Variants in TMPRSS11E observed in about 807,000 individuals in gnomAD.
TMPRSS11E encodes transmembrane protease serine 11E.
In TMPRSS11E, 38 loss-of-function variants were observed where a neutral mutation model predicts 48.1. That is an observed-to-expected ratio of 0.79 (90% confidence interval 0.61 to 1.04). The LOEUF is 1.04. TMPRSS11E is among the 50% of genes least tolerant of loss of function. TMPRSS11E has a pLI of 0.00. For synonymous variants in TMPRSS11E, 158 were observed against 171.9 expected (o/e 0.92, Z 0.63); for missense variants, 530 against 510.8 (o/e 1.04, Z -0.36).
At chr4:68,489,982 T>G (rs535110603) in intron 9 of TMPRSS11E, among the ~76,000 whole-genome samples, 6 of 152,236 alleles carry the variant, frequency 3.9e-5, no homozygotes, top group African/African-American at 1.4e-4. Context: ...CTCTTTCAAC[T>G]CTCCAGGCTG....
At chr4:68,496,369 C>A (rs1237388727) in intron 9 of TMPRSS11E, among the ~76,000 whole-genome samples, 3 of 151,776 alleles carry the variant, frequency 2.0e-5, no homozygotes, top group African/African-American at 7.3e-5. Flanking sequence ...GTTAAGAGTA[C>A]AGTTCTTCAA....
intron 9 of TMPRSS11E, among the ~76,000 whole-genome samples, chr4:68,484,740 C>T (rs1385316816): frequency 2.0e-5 from 3 of 152,164 alleles, no homozygotes; most frequent in Admixed American, 2.0e-4. Flanking sequence ...CTTGATTTGG[C>T]TCTCGGCTAA....
chr4:68,481,410 C>T (rs1729395281), intron 9 of TMPRSS11E, among the ~76,000 whole-genome samples: 1 of 152,200 alleles, frequency 6.6e-6, no homozygotes, highest in Non-Finnish European at 1.5e-5. Context: ...ACCTAATTTA[C>T]ATTCCCACGA....
At chr4:68,484,450 G>A (rs947325670) in intron 9 of TMPRSS11E, among the ~76,000 whole-genome samples, 8 of 152,102 alleles carry the variant, frequency 5.3e-5, no homozygotes, top group African/African-American at 1.9e-4. Context: ...GGGACTATAG[G>A]CATTCACCAC....
intron 4 of TMPRSS11E, among the ~76,000 whole-genome samples, chr4:68,469,708 C>A (rs1491003617): frequency 6.6e-6 from 1 of 151,856 alleles, no homozygotes; most frequent in Non-Finnish European, 1.5e-5. Flanking sequence ...ACCTCATTCA[C>A]CCACATGGTC....
chr4:68,461,740 T>C (rs943924453), intron 1 of TMPRSS11E, 81 bp from the exon 2 acceptor site: 2 of 1,593,740 alleles, frequency 1.3e-6, no homozygotes, highest in East Asian at 2.2e-5. Context: ...TGTCCTTTAT[T>C]CCCCCAAAAT....
intron 9 of TMPRSS11E, among the ~76,000 whole-genome samples, chr4:68,482,590 CAAAAAAAAAAAAAAAAAAAAAAA>C (rs371144994): frequency 0.46 from 50,007 of 108,914 alleles, 9,514 homozygotes; most frequent in Admixed American, 0.54. Flanking sequence ...TGCATCTCCA[CAAAAAAAAAAAAAAAAAAAAAAA>C]AAAAAAAAAT....
rs1729213505 is a variant in TMPRSS11E, at chr4:68,476,268, AAC to A, written c.540_541del (p.Arg181LysfsTer3). On this transcript the variant is annotated frameshift_variant, in exon 7 of 10. Coordinates refer to ENST00000305363, the MANE Select transcript of TMPRSS11E (RefSeq NM_014058.4). LOFTEE classifies it high-confidence loss of function. ...CCCCTCTCTCTTTTGCAGGCTGCGG[AAC>A]ACGAAGAAGTAAAACTCTAGGTCAG... is the stretch of plus-strand genomic sequence containing the variant. ...TDSYLNHCCGTRRSKTLGQSL... is the reference protein window; with the variant it reads ...TDSYLNHCCGXRRSKTLGQSL... The A allele has an allele frequency of 6.2e-7, 1 of 1,613,928 alleles. No homozygotes were observed. The highest frequency in any genetic ancestry group is 1.7e-5 in the Admixed American group (1 of 60,006).
In TMPRSS11E at chr4:68,468,958, T is replaced by C; in HGVS notation, c.326+12T>C. ...GTTATCAAGTTCAGGTATGTAAATCTGAATTGCTGACTTCTGAATTTAAAG... is the reference window on the plus strand; with the variant it reads ...GTTATCAAGTTCAGGTATGTAAATCCGAATTGCTGACTTCTGAATTTAAAG... On this transcript the variant is annotated intron_variant, in intron 4 of 9. Coordinates refer to ENST00000305363, the MANE Select transcript of TMPRSS11E (RefSeq NM_014058.4). The C allele has an allele frequency of 6.3e-7, 1 of 1,596,800 alleles. No individual in the cohort carries two copies. Among genetic ancestry groups the C allele is most frequent in the Non-Finnish European group, 8.6e-7 (1 of 1,165,620 alleles).
chr4:68,463,364 C>T (rs1287216460), intron 2 of TMPRSS11E, among the ~76,000 whole-genome samples: 9 of 152,084 alleles, frequency 5.9e-5, no homozygotes, highest in East Asian at 1.9e-4. Flanking sequence ...TGCAGTGGCT[C>T]GATCTCGGCT....
intron 9 of TMPRSS11E, among the ~76,000 whole-genome samples, chr4:68,485,426 C>T (rs1729525853): frequency 6.6e-6 from 1 of 152,096 alleles, no homozygotes; most frequent in Admixed American, 6.6e-5. Flanking sequence ...GGATTACAGG[C>T]ATGAGCCACC....
chr4:68,463,345 A>G (rs1304042854), intron 2 of TMPRSS11E, among the ~76,000 whole-genome samples: 1 of 152,078 alleles, frequency 6.6e-6, no homozygotes, highest in African/African-American at 2.4e-5. Context: ...GTCTGTTCCC[A>G]GGCTGGAGTG....
Position 68,473,015 on chromosome 4 carries a change from C to T in TMPRSS11E, c.490+1392C>T, listed in dbSNP as rs537000341. Among the ~76,000 whole-genome samples, 119 of 152,060 alleles carry T rather than the reference C, an allele frequency of 7.8e-4. 1 individual carries two copies. The highest frequency in any genetic ancestry group is 2.5e-3 in the African/African-American group (103 of 41,524). On this transcript the variant is annotated intron_variant, in intron 5 of 9. Transcript: ENST00000305363. ...TCATGGAAATTATGCAACTATATTT[C>T]GTAGCTTATACATACATGTTTTTCA...
chr4:68,487,941 C>CAAAAAAAAA (rs56299530), intron 9 of TMPRSS11E, among the ~76,000 whole-genome samples: 1 of 89,972 alleles, frequency 1.1e-5, no homozygotes, highest in African/African-American at 4.6e-5. Context: ...GACTCTGTCT[C>CAAAAAAAAA]AAAAAAAAAA....
intron 1 of TMPRSS11E, among the ~76,000 whole-genome samples, chr4:68,451,092 A>G (rs940316612): frequency 3.3e-5 from 5 of 151,838 alleles, no homozygotes; most frequent in Non-Finnish European, 7.4e-5. Flanking sequence ...AGCATGCCTG[A>G]TGGTTTTAGT....
chr4:68,462,653 C>G, intron 2 of TMPRSS11E, among the ~76,000 whole-genome samples: 1 of 151,800 alleles, frequency 6.6e-6, no homozygotes, highest in East Asian at 1.9e-4. Context: ...AATCTGGAGT[C>G]ATAAAGAAGT....
At chr4:68,450,941 TTTG>T (rs1728481317) in intron 1 of TMPRSS11E, among the ~76,000 whole-genome samples, 1 of 151,986 alleles carries the variant, frequency 6.6e-6, no homozygotes, top group Admixed American at 6.6e-5. Context: ...TAAATGAATC[TTTG>T]TTGTTCTGTC....
chr4:68,458,928 A>T (rs191814821), intron 1 of TMPRSS11E, among the ~76,000 whole-genome samples: 1 of 152,224 alleles, frequency 6.6e-6, no homozygotes, highest in African/African-American at 2.4e-5. Flanking sequence ...TGGGAGCTCA[A>T]AGTACCAAAC....
At chr4:68,490,081 A>G (rs574942118) in intron 9 of TMPRSS11E, among the ~76,000 whole-genome samples, 112 of 152,260 alleles carry the variant, frequency 7.4e-4, no homozygotes, top group African/African-American at 2.6e-3. Context: ...TGGCCACTCC[A>G]TGACCATTTA....
Sources: gnomAD v4.1 joint callset for allele counts (sites outside exome capture counted in the v4.1 genomes callset) on GRCh38, gnomAD v4.1.1 for gene constraint, MANE v1.5 for transcripts, NCBI Gene and HGNC (gene_info 2026-07-23, HGNC 2026-07-21) for gene names.